Variants in C3orf49 observed in about 807,000 individuals in gnomAD.
C3orf49 encodes putative uncharacterized protein C3orf49.
A neutral mutation model predicts 13.3 loss-of-function variants in C3orf49; 27 were observed. The ratio of observed to expected loss-of-function variants is 2.02; its 90% CI spans 1.49 to 2.79. The LOEUF (loss-of-function observed/expected upper bound fraction) is 2.79, where lower values mean the gene tolerates loss of function less well. C3orf49 is among the 30% of genes most tolerant of loss of function. The probability of loss-of-function intolerance (pLI) is 0.00; values close to 1 mark genes in which losing one functional copy is unlikely to be tolerated. For missense variants in C3orf49, 242 were observed against 134.2 expected, an observed-to-expected ratio of 1.80 and a Z score of -3.97; for synonymous variants, 87 against 47.6, an observed-to-expected ratio of 1.83 and a Z score of -3.40.
chr3:63,798,172 ATTG>A, the C3orf49 span, among the ~76,000 whole-genome samples: 1 of 152,168 alleles, frequency 6.6e-6, no homozygotes, highest in African/African-American at 2.4e-5. Flanking sequence ...TGTGCTGTGT[ATTG>A]TTAATTCAGG....
At position 63,847,055 on chromosome 3, in the gene C3orf49, T is replaced by G. The variant is rs562079085; in HGVS notation, c.*31-1309T>G. On this transcript the variant is annotated intron_variant, in intron 6 of 6. Coordinates refer to ENST00000295896, the MANE Select transcript of C3orf49 (RefSeq NM_001355236.2). ...AGGAGGGCTAGAACGCCTCCTAGTT[T>G]GTTGGGAATGGATCGAAGAATTGCG... Among the ~76,000 whole-genome samples the G allele has an allele frequency of 3.9e-5, 6 of 152,232 alleles. No homozygotes were observed. The South Asian group carries it at 8.3e-4, about 21-fold the overall frequency.
chr3:63,792,021 T>A, the C3orf49 span, among the ~76,000 whole-genome samples: 5 of 152,342 alleles, frequency 3.3e-5, no homozygotes, highest in East Asian at 9.6e-4. Flanking sequence ...AAAACAATCA[T>A]CTTTACCTAT....
intron 1 of C3orf49, among the ~76,000 whole-genome samples, chr3:63,820,952 T>C (rs1246280693): frequency 3.3e-5 from 5 of 152,338 alleles, no homozygotes; most frequent in Non-Finnish European, 1.5e-5. Context: ...GCTCCCTGCT[T>C]GCCTTTTAAG....
intron 5 of C3orf49, chr3:63,835,085 C>G: frequency 6.8e-7 from 1 of 1,473,416 alleles, no homozygotes; most frequent in East Asian, 2.3e-5. Context: ...ATGTATATTT[C>G]AAAAGGTACA....
chr3:63,800,626 C>A, the C3orf49 span, among the ~76,000 whole-genome samples: 33 of 152,240 alleles, frequency 2.2e-4, no homozygotes, highest in African/African-American at 7.9e-4. Context: ...ACTTTATCAT[C>A]ATTTCCATTT....
At chr3:63,817,647 A>G (rs75679993), upstream of C3orf49, among the ~76,000 whole-genome samples, 3 of 152,148 alleles carry the variant, frequency 2.0e-5, no homozygotes, top group East Asian at 3.9e-4. Flanking sequence ...ATGTCTCTCT[A>G]TACTCTAACT....
At chr3:63,816,764 C>CTTTTTTTTTTTTTT (rs757549553), upstream of C3orf49, among the ~76,000 whole-genome samples, 6 of 80,698 alleles carry the variant, frequency 7.4e-5, no homozygotes, top group African/African-American at 2.0e-4. Context: ...ATTTTCTTTT[C>CTTTTTTTTTTTTTT]TTTTCTTTTT....
At chr3:63,839,778 A>G in intron 5 of C3orf49, 1 of 1,611,856 alleles carries the variant, frequency 6.2e-7, no homozygotes, top group Non-Finnish European at 8.5e-7. Flanking sequence ...CTTCGTCTGC[A>G]GGAAAGAAGG....
intron 2 of C3orf49, among the ~76,000 whole-genome samples, chr3:63,824,925 C>T (rs752036891): frequency 6.6e-6 from 1 of 151,846 alleles, no homozygotes; most frequent in Non-Finnish European, 1.5e-5. Context: ...TGTAGAGTTC[C>T]CATATATGCC....
At chr3:63,847,219 T>C (rs1701918329) in intron 6 of C3orf49, among the ~76,000 whole-genome samples, 2 of 152,298 alleles carry the variant, frequency 1.3e-5, no homozygotes, top group South Asian at 4.1e-4. Flanking sequence ...ATAAATCTGG[T>C]ATGTATTGGT....
At chr3:63,796,785 A>G in the C3orf49 span, among the ~76,000 whole-genome samples, 139 of 152,250 alleles carry the variant, frequency 9.1e-4, no homozygotes, top group African/African-American at 3.1e-3. Flanking sequence ...TTTTAGATCA[A>G]CTAAAAGGAG....
At chr3:63,783,567 A>C in the C3orf49 span, among the ~76,000 whole-genome samples, 2 of 112,158 alleles carry the variant, frequency 1.8e-5, no homozygotes, top group African/African-American at 3.2e-5. Flanking sequence ...CACACACACA[A>C]ATTAGCCAGG....
At chr3:63,840,684 A>G (rs1168678234) in intron 5 of C3orf49, among the ~76,000 whole-genome samples, 1 of 152,262 alleles carries the variant, frequency 6.6e-6, no homozygotes, top group African/African-American at 2.4e-5. Context: ...GTCCTGAGCT[A>G]GTGTTCTTTC....
At chr3:63,782,175 A>T in the C3orf49 span, among the ~76,000 whole-genome samples, 1 of 152,234 alleles carries the variant, frequency 6.6e-6, no homozygotes, top group East Asian at 1.9e-4. Context: ...TAAGTCAGAC[A>T]CTAAGAACAT....
intron 5 of C3orf49, among the ~76,000 whole-genome samples, chr3:63,841,029 A>G (rs1701747102): frequency 6.6e-6 from 1 of 152,248 alleles, no homozygotes; most frequent in African/African-American, 2.4e-5. Context: ...AAACCTATTC[A>G]TCAGTAAGAA....
chr3:63,815,904 G>A (rs1464351804), upstream of C3orf49, among the ~76,000 whole-genome samples: 10 of 150,846 alleles, frequency 6.6e-5, no homozygotes, highest in Admixed American at 4.6e-4. Context: ...CTCCTCCCTC[G>A]TCCTCCTGAG....
chr3:63,785,410 A>C, the C3orf49 span, among the ~76,000 whole-genome samples: 1 of 152,000 alleles, frequency 6.6e-6, no homozygotes, highest in African/African-American at 2.4e-5. Flanking sequence ...AACACTTAGG[A>C]TATATCCCAT....
chr3:63,804,485 G>A, the C3orf49 span, among the ~76,000 whole-genome samples: 30 of 152,078 alleles, frequency 2.0e-4, no homozygotes, highest in African/African-American at 6.8e-4. Context: ...CTTGCTACAG[G>A]GACTTCGCAC....
chr3:63,782,505 C>G, the C3orf49 span: 1 of 152,120 alleles, frequency 6.6e-6, no homozygotes, highest in Non-Finnish European at 1.5e-5. Flanking sequence ...GTAAACAGTC[C>G]TCCAGAGTCA....
Sources: gnomAD v4.1 joint callset for allele counts (sites outside exome capture counted in the v4.1 genomes callset) on GRCh38, gnomAD v4.1.1 for gene constraint, MANE v1.5 for transcripts, NCBI Gene and HGNC (gene_info 2026-07-23, HGNC 2026-07-21) for gene names.